Variants in GBP6 observed in about 807,000 individuals in gnomAD.
GBP6 encodes the protein guanylate binding protein family member 6.
A neutral mutation model predicts 61.5 loss-of-function variants in GBP6; 54 were observed. The ratio of observed to expected loss-of-function variants is 0.88; its 90% CI spans 0.71 to 1.10. The LOEUF (loss-of-function observed/expected upper bound fraction) is 1.10. GBP6 is among the 50% of genes least tolerant of loss of function. GBP6 has a pLI of 0.00. For missense variants in GBP6, 748 were observed against 752.8 expected, an observed-to-expected ratio of 0.99 and a Z score of 0.07; for synonymous variants, 255 against 273.7, an observed-to-expected ratio of 0.93 and a Z score of 0.67.
intron 3 of GBP6, among the ~76,000 whole-genome samples, chr1:89,372,585 T>C (rs1570463303): frequency 6.6e-6 from 1 of 152,114 alleles, no homozygotes; most frequent in African/African-American, 2.4e-5. Context: ...ATTTGATAAA[T>C]GGTGCTGGGA....
intron 8 of GBP6, 52 bp from the exon 9 acceptor site, chr1:89,383,600 C>T: frequency 7.0e-6 from 9 of 1,285,580 alleles, no homozygotes; most frequent in Non-Finnish European, 8.9e-6. Flanking sequence ...AACACTAATA[C>T]CCAGAACATA....
intron 3 of GBP6, among the ~76,000 whole-genome samples, chr1:89,370,522 T>C (rs1484274170): frequency 6.6e-6 from 1 of 152,220 alleles, no homozygotes; most frequent in African/African-American, 2.4e-5. Context: ...ATTTTTGATA[T>C]TTAGCTTCTT....
chr1:89,369,688 C>T lies in GBP6; in HGVS notation c.318+15C>T. Reference sequence around the variant, plus strand: ...ATGTGGAAAAGGTAAGACAGAGAGTCATAGACAGGTTCCTTTTATTCCAGA... The same window carrying T: ...ATGTGGAAAAGGTAAGACAGAGAGTTATAGACAGGTTCCTTTTATTCCAGA... On this transcript the variant is annotated intron_variant, in intron 3 of 10. Coordinates refer to ENST00000370456, the MANE Select transcript of GBP6 (RefSeq NM_198460.3). 6.2e-7 allele frequency: 1 copy of T among 1,608,662 alleles called. No individual in the cohort carries two copies. Among genetic ancestry groups the T allele is most frequent in the Non-Finnish European group, 8.5e-7 (1 of 1,177,576 alleles).
rs1454832253 is a variant in GBP6 at position 89,385,501 on chromosome 1, A to G, written c.*32A>G. 22 of 1,579,446 alleles carry G rather than the reference A, an allele frequency of 1.4e-5. No individual in the cohort carries two copies. The highest frequency in any genetic ancestry group is 1.7e-4 in the Middle Eastern group (1 of 5,924). ...TATAGATTGTACATATATGCTTTGG[A>G]CTATTTTTGATCTGTATGTTTTTCA... On this transcript the variant is annotated 3_prime_UTR_variant, in exon 11 of 11. Coordinates refer to ENST00000370456, the MANE Select transcript of GBP6 (RefSeq NM_198460.3).
At chr1:89,382,487 G>A (rs1653007399) in intron 7 of GBP6, among the ~76,000 whole-genome samples, 177 bp from the exon 8 acceptor site, 1 of 152,166 alleles carries the variant, frequency 6.6e-6, no homozygotes. Flanking sequence ...CCATAGCCTT[G>A]AAGAGAATTT....
chr1:89,370,923 C>T (rs1015630882), intron 3 of GBP6, among the ~76,000 whole-genome samples: 6 of 152,150 alleles, frequency 3.9e-5, no homozygotes, highest in Middle Eastern at 3.2e-3. Flanking sequence ...CACTGCTGTA[C>T]GGTAGATCTC....
At chr1:89,370,270 G>A (rs1652590586) in intron 3 of GBP6, among the ~76,000 whole-genome samples, 3 of 152,332 alleles carry the variant, frequency 2.0e-5, no homozygotes, top group Non-Finnish European at 2.9e-5. Flanking sequence ...ACAGTGCTTT[G>A]ATAAGAAAGA....
intron 3 of GBP6, among the ~76,000 whole-genome samples, chr1:89,375,365 A>C (rs1302946661): frequency 6.6e-6 from 1 of 152,184 alleles, no homozygotes; most frequent in Non-Finnish European, 1.5e-5. Context: ...AAAGTCAAAA[A>C]ATTACAGATA....
At chr1:89,370,954 T>A (rs145977776) in intron 3 of GBP6, among the ~76,000 whole-genome samples, 1 of 152,090 alleles carries the variant, frequency 6.6e-6, no homozygotes. Context: ...TTATCTTTCA[T>A]AACTGAAATT....
chr1:89,380,107 T>C (rs1335266034), intron 5 of GBP6, among the ~76,000 whole-genome samples: 1 of 152,178 alleles, frequency 6.6e-6, no homozygotes, highest in Non-Finnish European at 1.5e-5. Flanking sequence ...CACTGCCCTC[T>C]AGCCTGGGCA....
intron 9 of GBP6, 62 bp from the exon 10 acceptor site, chr1:89,384,031 G>GA: frequency 6.8e-7 from 1 of 1,465,628 alleles, no homozygotes; most frequent in East Asian, 2.3e-5. Context: ...TCTCAGCTCA[G>GA]AAAAGTGGAG....
chr1:89,379,356 G>T (rs77485370), intron 5 of GBP6, among the ~76,000 whole-genome samples: 1 of 135,232 alleles, frequency 7.4e-6, no homozygotes, highest in African/African-American at 2.8e-5. Context: ...TGGGGGGGGG[G>T]GGTCATATTT....
Position 89,378,120 on chromosome 1 carries a change from C to A in GBP6, c.336C>A (p.Asp112Glu), listed in dbSNP as rs371720942. The A allele has an allele frequency of 1.1e-5, 18 of 1,612,886 alleles. No individual in the cohort carries two copies. The highest frequency in any genetic ancestry group is 1.4e-5 in the Non-Finnish European group (17 of 1,179,740). Residue 112 changes from aspartate (D) to glutamate (E), a missense_variant, in exon 4 of 11, where the codon GAC becomes GAA. Physicochemically the swap from Asp to Glu is conservative, Grantham distance 45. Transcript: ENST00000370456. ...GDVEKGDPKN[D>E]SWIFALAVLL... Reference sequence around the variant, plus strand: ...CTTTTTAGGGTGACCCTAAGAATGACTCCTGGATCTTTGCCCTGGCTGTGC... The same window carrying A: ...CTTTTTAGGGTGACCCTAAGAATGAATCCTGGATCTTTGCCCTGGCTGTGC...
chr1:89,378,334 C>A (rs1210107034), intron 4 of GBP6, 83 bp from the exon 5 acceptor site: 12 of 1,532,004 alleles, frequency 7.8e-6, no homozygotes, highest in Non-Finnish European at 1.1e-5. Context: ...GAACCCAAGA[C>A]AAAAGAGAGT....
At chr1:89,383,004 AT>A (rs1237905773) in intron 8 of GBP6, 128 bp downstream of exon 8, 5 of 578,206 alleles carry the variant, frequency 8.6e-6, no homozygotes, top group Non-Finnish European at 3.1e-6. Flanking sequence ...ACTAATTAAT[AT>A]TTATTTCTTA....
Position 89,368,543 on chromosome 1 carries a change from G to T in GBP6, c.-9G>T, listed in dbSNP as rs1315974435. The stretch of plus-strand genomic sequence containing the variant: ...TCTACTGGGAGGCTCTTCTAGGTTG[G>T]CAGTTGCCATGGAATCTGGACCCAA... On this transcript the variant is annotated 5_prime_UTR_variant, in exon 2 of 11. Coordinates refer to ENST00000370456, the MANE Select transcript of GBP6 (RefSeq NM_198460.3). 1 of 1,611,882 alleles carries T rather than the reference G, an allele frequency of 6.2e-7. No individual in the cohort carries two copies. Among genetic ancestry groups the T allele is most frequent in the Admixed American group, 1.7e-5 (1 of 59,926 alleles).
rs949992614 is a variant in GBP6 at position 89,385,668 on chromosome 1, G to A, written c.*199G>A. 3.8e-6 allele frequency: 2 copies of A among 529,970 alleles called. No homozygotes were observed. Among genetic ancestry groups the A allele is most frequent in the Non-Finnish European group, 6.6e-6 (2 of 301,428 alleles). 32.8% of individuals were successfully genotyped at this position (529,970 alleles called of 1,614,324 possible). ...CCTGCCTCAGCCCCCTAGTAGCTGG[G>A]ATTATAGGTGTACACCACCACACCC... On this transcript the variant is annotated 3_prime_UTR_variant, in exon 11 of 11. Transcript: ENST00000370456.
chr1:89,386,168 A>C lies in GBP6; in HGVS notation c.*699A>C, dbSNP rs1195571540. 1.3e-5 allele frequency: 2 copies of C among 152,174 alleles called. No homozygotes were observed. The highest frequency in any genetic ancestry group is 2.9e-5 in the Non-Finnish European group (2 of 68,014). The allele number at this position is 152,174 out of a possible 1,614,324, so 9.4% of individuals were successfully genotyped here. A position where few individuals can be genotyped will look rare whatever the true frequency, so the allele number is the denominator to read the frequency against. Reference sequence around the variant, plus strand: ...TTGAAGAGACATTGTAAAATGAAAAAAAAAAAAACCAAGTTGTAAAGCAAT... The same window carrying C: ...TTGAAGAGACATTGTAAAATGAAAACAAAAAAAACCAAGTTGTAAAGCAAT... On this transcript the variant is annotated 3_prime_UTR_variant, in exon 11 of 11. Coordinates refer to ENST00000370456, the MANE Select transcript of GBP6 (RefSeq NM_198460.3).
At chr1:89,375,896 TC>T (rs993587860) in intron 3 of GBP6, among the ~76,000 whole-genome samples, 3 of 152,138 alleles carry the variant, frequency 2.0e-5, no homozygotes, top group African/African-American at 7.2e-5. Context: ...ATCTTTTTTT[TC>T]CCCTTCTATC....
Sources: allele counts gnomAD v4.1 joint callset (sites outside exome capture counted in the v4.1 genomes callset), GRCh38; gene constraint gnomAD v4.1.1; transcripts MANE v1.5; gene names NCBI Gene and HGNC (gene_info 2026-07-23, HGNC 2026-07-21).